The following FAM136A variants were observed in gnomAD, a reference collection of about 807,000 sequenced individuals.
FAM136A encodes the protein TIM double twin CX3C motif chaperone.
In FAM136A, 25 loss-of-function variants were observed where a neutral mutation model predicts 21.6. The ratio of observed to expected loss-of-function variants is 1.16; its 90% CI spans 0.84 to 1.62. The LOEUF (loss-of-function observed/expected upper bound fraction) is 1.62, where lower values mean the gene tolerates loss of function less well. Among genes scored for constraint, FAM136A ranks in the 40% most tolerant of loss-of-function variants. FAM136A has a pLI of 0.00. For synonymous variants in FAM136A, 119 were observed against 129.4 expected, an observed-to-expected ratio of 0.92 and a Z score of 0.55; for missense variants, 338 against 332.0, an observed-to-expected ratio of 1.02 and a Z score of -0.14.
Position 70,300,895 on chromosome 2 carries a change from T to C in FAM136A, c.494A>G (p.His165Arg), listed in dbSNP as rs776493122. 1.4e-5 allele frequency: 23 copies of C among 1,613,760 alleles called. No homozygotes were observed. In the South Asian group the frequency reaches 2.5e-4, roughly 18 times the overall value. ...AGCCTGGGCTTGAGCCAGAGGCACA[T>C]GGCAGCGCTCGATGCACTGGTGCAC... is the stretch of plus-strand genomic sequence containing the variant. ...KQVHQCIERC[H>R]VPLAQAQALV... Residue 165 changes from histidine (H) to arginine (R), a missense_variant, in exon 2 of 3, where the codon CAT becomes CGT. Transcript: ENST00000430566.
At chr2:70,301,459 A>C in intron 1 of FAM136A, 145 bp downstream of exon 1, 1 of 1,535,518 alleles carries the variant, frequency 6.5e-7, no homozygotes, top group Non-Finnish European at 8.7e-7. Context: ...GGGCTCAGAG[A>C]AGAACAGTGT....
intron 1 of FAM136A, 81 bp from the exon 2 acceptor site, chr2:70,301,061 G>A (rs945939605): frequency 2.7e-6 from 4 of 1,472,306 alleles, no homozygotes; most frequent in Non-Finnish European, 3.7e-6. Flanking sequence ...GAGTTAGAAG[G>A]CCACGTGGAT....
At chr2:70,299,148 G>A (rs72904356) in intron 2 of FAM136A, among the ~76,000 whole-genome samples, 10,576 of 152,268 alleles carry the variant, frequency 0.069, 1,147 homozygotes, top group African/African-American at 0.23. Flanking sequence ...ACTTTGAAGC[G>A]TTTTGAATGG....
intron 2 of FAM136A, 97 bp from the exon 3 acceptor site, chr2:70,297,574 T>A (rs1201028547): frequency 6.7e-6 from 8 of 1,187,364 alleles, no homozygotes; most frequent in Middle Eastern, 4.0e-4. Context: ...AGGTTTAATA[T>A]GTATTATCTT....
intron 2 of FAM136A, among the ~76,000 whole-genome samples, chr2:70,300,260 C>A (rs954339305): frequency 3.9e-5 from 6 of 152,164 alleles, no homozygotes; most frequent in African/African-American, 1.4e-4. Flanking sequence ...AAGGAACAAA[C>A]AAACGCCTCC....
chr2:70,299,791 G>A (rs1234834710), intron 2 of FAM136A, among the ~76,000 whole-genome samples: 4 of 151,946 alleles, frequency 2.6e-5, no homozygotes, highest in African/African-American at 4.8e-5. Context: ...TAGTAGAGAC[G>A]GGGTTTCACT....
chr2:70,297,419 G>A lies in FAM136A; in HGVS notation c.608C>T (p.Ala203Val), dbSNP rs148038860. The A allele has an allele frequency of 6.2e-7, 1 of 1,613,844 alleles. No individual in the cohort carries two copies. Among genetic ancestry groups the A allele is most frequent in the Non-Finnish European group, 8.5e-7 (1 of 1,179,912 alleles). ...CNDKAKDSID[A>V]GSKELQVKQQ... ...CTTCACCTGAAGCTCCTTACTCCCA[G>A]CATCTATTGAATCTTTGGCTTTGTC... is the stretch of plus-strand genomic sequence containing the variant. Residue 203 changes from alanine to valine, a missense_variant, in exon 3 of 3, where the codon GCT (alanine) becomes GTT (valine). By Grantham distance (64) the Ala-to-Val change is moderately conservative. Coordinates refer to ENST00000430566, the MANE Select transcript of FAM136A (RefSeq NM_001329752.2).
intron 2 of FAM136A, 144 bp from the exon 3 acceptor site, chr2:70,297,621 GT>G (rs55803921): frequency 0.11 from 26,366 of 248,466 alleles, 60 homozygotes; most frequent in East Asian, 0.17. Context: ...GATTGGCCAA[GT>G]TTTTTTTTTT....
chr2:70,300,784 T>C lies in FAM136A; in HGVS notation c.549+56A>G, dbSNP rs562156298. 35 of 1,501,812 alleles carry C rather than the reference T, an allele frequency of 2.3e-5. No individual in the cohort carries two copies. The Middle Eastern group carries it at 1.2e-3, about 52-fold the overall frequency. 93.0% of individuals were successfully genotyped at this position (1,501,812 alleles called of 1,614,324 possible). A position where few individuals can be genotyped will look rare whatever the true frequency, so the allele number is the denominator to read the frequency against. The stretch of plus-strand genomic sequence containing the variant: ...AAGAGTTTTGAACAAATGCTTGTCA[T>C]CTCCTGCAAAAGTCTGTATCAAGGA... On this transcript the variant is annotated intron_variant, in intron 2 of 2. Coordinates refer to ENST00000430566, the MANE Select transcript of FAM136A (RefSeq NM_001329752.2).
In FAM136A at chr2:70,300,905, C is replaced by A; in HGVS notation, c.484G>T (p.Glu162Ter). The A allele has an allele frequency of 6.2e-7, 1 of 1,613,764 alleles. No homozygotes were observed. Among genetic ancestry groups the A allele is most frequent in the African/African-American group, 1.3e-5 (1 of 75,028 alleles). The stretch of plus-strand genomic sequence containing the variant: ...TGAGCCAGAGGCACATGGCAGCGCT[C>A]GATGCACTGGTGCACCTGCTTCATG... ...ASMKQVHQCI[E>*]RCHVPLAQAQ... The change falls in exon 2 of 3, where the codon GAG (glutamate) becomes TAG (stop). Residue 162 changes from glutamate to a stop codon, truncating the protein, a stop_gained. Transcript: ENST00000430566. LOFTEE classifies it high-confidence loss of function.
chr2:70,301,232 G>T (rs1697388830), intron 1 of FAM136A: 2 of 867,972 alleles, frequency 2.3e-6, no homozygotes, highest in Non-Finnish European at 3.4e-6. Flanking sequence ...ATGGTTGGGT[G>T]AACAGAGGTT....
chr2:70,299,591 T>G (rs1353631262), intron 2 of FAM136A, among the ~76,000 whole-genome samples: 2 of 152,116 alleles, frequency 1.3e-5, no homozygotes, highest in African/African-American at 4.8e-5. Context: ...GAAACTTTAT[T>G]TTTTTATTTT....
chr2:70,297,605 TA>T, intron 2 of FAM136A, 128 bp from the exon 3 acceptor site: 1 of 807,132 alleles, frequency 1.2e-6, no homozygotes, highest in Non-Finnish European at 1.8e-6. Context: ...AGGGACATGG[TA>T]GTGTGATTGG....
Position 70,297,586 on chromosome 2 carries a change from G to A in FAM136A, c.550-109C>T, listed in dbSNP as rs759508841. 2.4e-4 allele frequency: 226 copies of A among 936,184 alleles called. 1 individual carries two copies. Among genetic ancestry groups the A allele is most frequent in the Middle Eastern group, 9.2e-4 (4 of 4,354 alleles). 58.0% of individuals were successfully genotyped at this position (936,184 alleles called of 1,614,324 possible). A position where few individuals can be genotyped will look rare whatever the true frequency, so the allele number is the denominator to read the frequency against. On this transcript the variant is annotated intron_variant, in intron 2 of 2. Transcript: ENST00000430566. Reference sequence around the variant, plus strand: ...TACAGGTTTAATATGTATTATCTTGGTCAATTAAAGGGACATGGTAGTGTG... The same window carrying A: ...TACAGGTTTAATATGTATTATCTTGATCAATTAAAGGGACATGGTAGTGTG...
At chr2:70,299,132 G>C (rs903445738) in intron 2 of FAM136A, among the ~76,000 whole-genome samples, 1 of 152,198 alleles carries the variant, frequency 6.6e-6, no homozygotes, top group South Asian at 2.1e-4. Flanking sequence ...CTTCATAATG[G>C]CAGTAACTTT....
chr2:70,301,835 T>G lies in FAM136A; in HGVS notation c.177A>C (p.Ala59=). The change falls in exon 1 of 3, where the codon GCA becomes GCC. Residue 59 remains alanine (A), a synonymous_variant. Transcript: ENST00000430566. The part of the protein sequence containing the change: ...SLSHHATPCT[A]AASPQTGCGR... ...CACACCCGGTCTGCGGGGACGCGGC[T>G]GCAGTGCAAGGCGTCGCGTGGTGGC... 6.5e-7 allele frequency: 1 copy of G among 1,550,338 alleles called. No homozygotes were observed. The highest frequency in any genetic ancestry group is 1.2e-5 in the South Asian group (1 of 83,916).
In FAM136A at chr2:70,302,052, C is replaced by A; in HGVS notation, c.-41G>T. 6.5e-7 allele frequency: 1 copy of A among 1,537,258 alleles called. No individual in the cohort carries two copies. Among genetic ancestry groups the A allele is most frequent in the Non-Finnish European group, 8.7e-7 (1 of 1,146,632 alleles). On this transcript the variant is annotated 5_prime_UTR_variant, in exon 1 of 3. An upstream start codon of the reference 5' UTR is lost. Coordinates refer to ENST00000430566, the MANE Select transcript of FAM136A (RefSeq NM_001329752.2). ...CCCCGCGGCGCTCCGCGCCGGCGCC[C>A]ATATGGAATCGGCGTACGGGCCCGC...
intron 2 of FAM136A, among the ~76,000 whole-genome samples, chr2:70,299,130 T>C (rs762411851): frequency 1.3e-5 from 2 of 152,250 alleles, no homozygotes; most frequent in Non-Finnish European, 2.9e-5. Context: ...TCCTTCATAA[T>C]GGCAGTAACT....
intron 1 of FAM136A, 110 bp downstream of exon 1, chr2:70,301,494 G>A: frequency 6.5e-7 from 1 of 1,535,774 alleles, no homozygotes; most frequent in Non-Finnish European, 8.7e-7. Context: ...TGTGAAGCGA[G>A]GTTGGGCGCA....
Sources: gnomAD v4.1 joint callset for allele counts (sites outside exome capture counted in the v4.1 genomes callset) on GRCh38, gnomAD v4.1.1 for gene constraint, MANE v1.5 for transcripts, NCBI Gene and HGNC (gene_info 2026-07-23, HGNC 2026-07-21) for gene names.